The following C1orf87 variants were observed in gnomAD, a reference collection of about 807,000 sequenced individuals.
C1orf87 encodes the protein uncharacterized protein C1orf87.
Under a neutral mutation model 60.5 loss-of-function variants are expected in C1orf87, and 58 were observed. That is an observed-to-expected ratio of 0.96 (90% confidence interval 0.78 to 1.19). The LOEUF (loss-of-function observed/expected upper bound fraction) is 1.19. C1orf87 is among the 50% of genes most tolerant of loss of function. The probability of loss-of-function intolerance (pLI) is 0.00; values close to 1 mark genes in which losing one functional copy is unlikely to be tolerated. For missense variants in C1orf87, 673 were observed against 638.6 expected (o/e 1.05, Z -0.58); for synonymous variants, 236 against 227.4 (o/e 1.04, Z -0.34).
rs140544141 is a variant in C1orf87, at chr1:60,058,732, C to A, written c.108-3294G>T. Among the ~76,000 whole-genome samples, 677 of 152,256 alleles carry A rather than the reference C, an allele frequency of 4.4e-3. 5 individuals carry two copies. Among genetic ancestry groups the A allele is most frequent in the Middle Eastern group, 0.014 (4 of 294 alleles). On this transcript the variant is annotated intron_variant, in intron 2 of 11. Transcript: ENST00000371201. ...TTCAGTAGTGGAGCCAGGATTTAAA[C>A]CTGTCTACTTCATTGCACAGACTCA...
intron 7 of C1orf87, among the ~76,000 whole-genome samples, chr1:60,032,314 C>T (rs1334409335): frequency 6.6e-6 from 1 of 152,058 alleles, no homozygotes; most frequent in Non-Finnish European, 1.5e-5. Flanking sequence ...TATCTTCTAC[C>T]TAATGAAGTG....
rs536713317 is a variant in C1orf87 at position 60,009,666 on chromosome 1, C to T, written c.1192+726G>A. ...CACACACATGCGTGCACATTCAGTA[C>T]TTTAATTTTGATCCAAAGGGCAATC... On this transcript the variant is annotated intron_variant, in intron 9 of 11. Coordinates refer to ENST00000371201, the MANE Select transcript of C1orf87 (RefSeq NM_152377.3). Among the ~76,000 whole-genome samples, 7 of 702 alleles carry T rather than the reference C, an allele frequency of 1.0e-2. No homozygotes were observed. In the Non-Finnish European group the frequency reaches 0.23, roughly 23 times the overall value. 0.5% of individuals were successfully genotyped at this position (702 alleles called of 152,430 possible).
chr1:60,008,212 TTTTG>T (rs1220768185), intron 9 of C1orf87, among the ~76,000 whole-genome samples: 3 of 152,080 alleles, frequency 2.0e-5, no homozygotes, highest in African/African-American at 7.2e-5. Flanking sequence ...GTGTTGCCTA[TTTTG>T]TTTGTCAGAC....
chr1:60,061,198 A>G (rs897638613), intron 2 of C1orf87, among the ~76,000 whole-genome samples: 1 of 152,200 alleles, frequency 6.6e-6, no homozygotes, highest in Non-Finnish European at 1.5e-5. Flanking sequence ...TAAAAAGATG[A>G]TGGATTTAAA....
Position 60,072,678 on chromosome 1 carries a change from T to G in C1orf87, c.-27-8A>C. The stretch of plus-strand genomic sequence containing the variant: ...CAAAATCCCTTCAGATCCCTAGGGG[T>G]GAAAATAAGTAAATTGTTCCTCTTG... On this transcript the variant is annotated splice_region_variant and splice_polypyrimidine_tract_variant and intron_variant, in intron 1 of 11. Coordinates refer to ENST00000371201, the MANE Select transcript of C1orf87 (RefSeq NM_152377.3). 7.0e-7 allele frequency: 1 copy of G among 1,434,140 alleles called. No individual in the cohort carries two copies. The highest frequency in any genetic ancestry group is 2.3e-5 in the East Asian group (1 of 43,986). The allele number at this position is 1,434,140 out of a possible 1,614,324, so 88.8% of individuals were successfully genotyped here.
intron 3 of C1orf87, among the ~76,000 whole-genome samples, chr1:60,045,925 C>T (rs1429161583): frequency 1.3e-5 from 2 of 152,162 alleles, no homozygotes; most frequent in Non-Finnish European, 2.9e-5. Context: ...TTATTATTAA[C>T]AGTAATTCCT....
rs549832611 is a variant in C1orf87, at chr1:60,035,585, T to G, written c.864-1944A>C. Reference sequence around the variant, plus strand: ...AATAGCCTGGCTTTATTACAGGCCATCAGTCCTGTATTTCTACAAACATAC... The same window carrying G: ...AATAGCCTGGCTTTATTACAGGCCAGCAGTCCTGTATTTCTACAAACATAC... On this transcript the variant is annotated intron_variant, in intron 6 of 11. Transcript: ENST00000371201. Among the ~76,000 whole-genome samples, 31 of 152,364 alleles carry G rather than the reference T, an allele frequency of 2.0e-4. No individual in the cohort carries two copies. In the South Asian group the frequency reaches 6.4e-3, roughly 32 times the overall value.
At chr1:60,034,265 T>C (rs1645259590) in intron 6 of C1orf87, among the ~76,000 whole-genome samples, 1 of 152,240 alleles carries the variant, frequency 6.6e-6, no homozygotes, top group Admixed American at 6.5e-5. Flanking sequence ...CAGACTATCG[T>C]TATTTTAAAT....
At chr1:60,071,249 A>T (rs1265877856) in intron 2 of C1orf87, among the ~76,000 whole-genome samples, 1 of 152,210 alleles carries the variant, frequency 6.6e-6, no homozygotes, top group Non-Finnish European at 1.5e-5. Context: ...TTTACTAAGC[A>T]TGTTATTTAT....
chr1:60,012,178 G>GAA (rs141797847), intron 8 of C1orf87, among the ~76,000 whole-genome samples: 114 of 147,166 alleles, frequency 7.7e-4, no homozygotes, highest in African/African-American at 2.7e-3. Flanking sequence ...ACGCTTTGAT[G>GAA]AAAAAAAAAA....
chr1:60,045,175 G>T (rs1042312267), intron 3 of C1orf87, among the ~76,000 whole-genome samples: 2 of 152,142 alleles, frequency 1.3e-5, no homozygotes, highest in Non-Finnish European at 2.9e-5. Flanking sequence ...GATGTGAAAA[G>T]TTCTGTTTCT....
At chr1:60,036,055 A>G (rs1429394366) in intron 6 of C1orf87, among the ~76,000 whole-genome samples, 4 of 152,206 alleles carry the variant, frequency 2.6e-5, no homozygotes, top group African/African-American at 9.7e-5. Context: ...TATGTATTAT[A>G]TGAAGGATAG....
In C1orf87 at chr1:60,072,690, A is replaced by G. The variant is rs1209881685; in HGVS notation, c.-27-20T>C. On this transcript the variant is annotated intron_variant, in intron 1 of 11. Transcript: ENST00000371201. ...AGATCCCTAGGGGTGAAAATAAGTA[A>G]ATTGTTCCTCTTGATTTTCCATTAG... The G allele has an allele frequency of 3.0e-6, 4 of 1,344,492 alleles. No homozygotes were observed. Among genetic ancestry groups the G allele is most frequent in the East Asian group, 4.6e-5 (2 of 43,540 alleles). 83.3% of individuals were successfully genotyped at this position (1,344,492 alleles called of 1,614,324 possible). A position where few individuals can be genotyped will look rare whatever the true frequency, so the allele number is the denominator to read the frequency against.
chr1:60,010,060 TGA>T (rs2100255947), intron 9 of C1orf87, among the ~76,000 whole-genome samples: 1 of 151,820 alleles, frequency 6.6e-6, no homozygotes, highest in Admixed American at 6.6e-5. Context: ...TACCTAGCTA[TGA>T]GCTTCTTTGA....
intron 7 of C1orf87, among the ~76,000 whole-genome samples, chr1:60,029,707 C>T (rs1465540203): frequency 7.4e-6 from 1 of 134,910 alleles, no homozygotes; most frequent in Non-Finnish European, 1.5e-5. Flanking sequence ...GTGGCAGGAT[C>T]TCAGCTTGCT....
At chr1:60,015,330 A>G (rs1645117793) in intron 8 of C1orf87, among the ~76,000 whole-genome samples, 1 of 152,180 alleles carries the variant, frequency 6.6e-6, no homozygotes, top group Non-Finnish European at 1.5e-5. Context: ...CAAACACTAA[A>G]TCTGCTTCTG....
intron 3 of C1orf87, among the ~76,000 whole-genome samples, chr1:60,050,973 C>T (rs564537494): frequency 1.6e-4 from 24 of 152,144 alleles, no homozygotes; most frequent in South Asian, 4.2e-4. Flanking sequence ...GGAAATCAGA[C>T]GATAATGCTT....
chr1:60,046,025 C>G (rs551634479), intron 3 of C1orf87, among the ~76,000 whole-genome samples: 1 of 152,086 alleles, frequency 6.6e-6, no homozygotes, highest in Non-Finnish European at 1.5e-5. Context: ...AAATATGAAC[C>G]ATATATTGCA....
intron 7 of C1orf87, among the ~76,000 whole-genome samples, chr1:60,031,056 AGCTT>A (rs1198341023): frequency 6.6e-6 from 1 of 152,080 alleles, no homozygotes; most frequent in African/African-American, 2.4e-5. Context: ...GAGAGTGCAT[AGCTT>A]TCATAGTCTG....
Sources: allele counts gnomAD v4.1 joint callset (sites outside exome capture counted in the v4.1 genomes callset), GRCh38; gene constraint gnomAD v4.1.1; transcripts MANE v1.5; gene names NCBI Gene and HGNC (gene_info 2026-07-23, HGNC 2026-07-21).